The following PTPRR variants were observed in gnomAD, a reference collection of about 807,000 sequenced individuals.
The protein encoded by PTPRR is protein tyrosine phosphatase receptor type R.
A neutral mutation model predicts 77.2 loss-of-function variants in PTPRR; 38 were observed. That is an observed-to-expected ratio of 0.49 (90% CI 0.38 to 0.65). The LOEUF is 0.65. Among genes scored for constraint, PTPRR ranks in the 30% least tolerant of loss-of-function variants. The probability of loss-of-function intolerance (pLI) is 0.00; values close to 1 mark genes in which losing one functional copy is unlikely to be tolerated. For synonymous variants in PTPRR, 299 were observed against 283.1 expected (o/e 1.06, Z -0.57); for missense variants, 744 against 799.2 (o/e 0.93, Z 0.83).
intron 8 of PTPRR, among the ~76,000 whole-genome samples, chr12:70,695,942 T>C (rs1888216266): frequency 1.3e-5 from 2 of 152,178 alleles, no homozygotes; most frequent in African/African-American, 4.8e-5. Context: ...AAAGATAGTA[T>C]TAACAGTAAT....
rs368662426 is a variant in PTPRR at position 70,920,365 on chromosome 12, G to A, written c.26C>T (p.Ala9Val). Residue 9 changes from alanine (A) to valine (V), a missense_variant, in exon 1 of 14, where the codon GCG becomes GTG. Ala to Val is a moderately conservative substitution (Grantham distance 64). Transcript: ENST00000283228. MRRAVCFP[A>V]LCLLLNLHAA... ...GTGAAGATTAAGGAGCAGGCACAGC[G>A]CAGGGAAGCAGACTGCTCTCCGCAT... 14 of 1,613,770 alleles carry A rather than the reference G, an allele frequency of 8.7e-6. No homozygotes were observed. The highest frequency in any genetic ancestry group is 1.2e-5 in the Non-Finnish European group (14 of 1,179,914).
At chr12:70,707,898 A>C (rs1048211445) in intron 6 of PTPRR, among the ~76,000 whole-genome samples, 1 of 151,998 alleles carries the variant, frequency 6.6e-6, no homozygotes, top group Non-Finnish European at 1.5e-5. Flanking sequence ...AAAACCTGCA[A>C]GTAGCTACCC....
At chr12:70,720,658 A>G (rs1422485176) in intron 6 of PTPRR, among the ~76,000 whole-genome samples, 1 of 151,360 alleles carries the variant, frequency 6.6e-6, no homozygotes, top group Non-Finnish European at 1.5e-5. Context: ...TAATTTTTGT[A>G]TTTTTAGTAG....
intron 2 of PTPRR, among the ~76,000 whole-genome samples, chr12:70,821,928 T>C (rs576302539): frequency 6.6e-6 from 1 of 152,206 alleles, no homozygotes; most frequent in East Asian, 1.9e-4. Flanking sequence ...CCTCCCAAAG[T>C]GCTGGGATTA....
chr12:70,678,166 A>G (rs1386186397), intron 10 of PTPRR, among the ~76,000 whole-genome samples: 1 of 151,936 alleles, frequency 6.6e-6, no homozygotes, highest in Non-Finnish European at 1.5e-5. Flanking sequence ...TCAGCTTCCC[A>G]GGTAGCTGGG....
chr12:70,788,880 T>C, intron 2 of PTPRR: 8 of 1,512,146 alleles, frequency 5.3e-6, no homozygotes, highest in Non-Finnish European at 7.0e-6. Context: ...CTTTGTGTTA[T>C]TTCCTTACCA....
rs560446794 is a variant in PTPRR, at chr12:70,811,739, C to T, written c.358-46961G>A. 4.6e-5 allele frequency among the ~76,000 whole-genome samples: 7 copies of T among 152,286 alleles called. No individual in the cohort carries two copies. The South Asian group carries it at 1.5e-3, about 32-fold the overall frequency. Reference sequence around the variant, plus strand: ...ACCCTGATGCAGTAAGATCTATTGCCATGTCCACACTACCAATGAGGAAGC... The same window carrying T: ...ACCCTGATGCAGTAAGATCTATTGCTATGTCCACACTACCAATGAGGAAGC... On this transcript the variant is annotated intron_variant, in intron 2 of 13. Coordinates refer to ENST00000283228, the MANE Select transcript of PTPRR (RefSeq NM_002849.4).
chr12:70,822,568 G>A (rs995945669), intron 2 of PTPRR, among the ~76,000 whole-genome samples: 7 of 152,176 alleles, frequency 4.6e-5, no homozygotes, highest in Non-Finnish European at 8.8e-5. Context: ...AGAGGTGCCA[G>A]GATTCTGCAT....
chr12:70,866,080 C>T (rs1339533765), intron 2 of PTPRR, among the ~76,000 whole-genome samples: 2 of 151,964 alleles, frequency 1.3e-5, no homozygotes, highest in Admixed American at 1.3e-4. Flanking sequence ...CAAGAGAAAG[C>T]AGGAAAGATC....
At chr12:70,888,171 A>G (rs1249519777) in intron 2 of PTPRR, among the ~76,000 whole-genome samples, 2 of 152,156 alleles carry the variant, frequency 1.3e-5, no homozygotes, top group Non-Finnish European at 2.9e-5. Flanking sequence ...AAAATCAGAG[A>G]TAATAGTTTT....
chr12:70,874,584 G>A (rs1275537024), intron 2 of PTPRR, among the ~76,000 whole-genome samples: 1 of 152,184 alleles, frequency 6.6e-6, no homozygotes, highest in African/African-American at 2.4e-5. Flanking sequence ...AATGCAAATT[G>A]TCATTATCTT....
At chr12:70,909,085 G>A (rs1893664341) in intron 1 of PTPRR, among the ~76,000 whole-genome samples, 1 of 152,134 alleles carries the variant, frequency 6.6e-6, no homozygotes, top group Admixed American at 6.5e-5. Flanking sequence ...CTGGTGGAGG[G>A]AGGACCTGAG....
intron 2 of PTPRR, among the ~76,000 whole-genome samples, chr12:70,817,742 C>T (rs11178440): frequency 0.021 from 3,233 of 152,232 alleles, 60 homozygotes; most frequent in African/African-American, 0.055. Context: ...GAATACTTCA[C>T]GAGATATGTT....
At chr12:70,852,814 C>A (rs548341513) in intron 2 of PTPRR, among the ~76,000 whole-genome samples, 9 of 152,242 alleles carry the variant, frequency 5.9e-5, no homozygotes, top group African/African-American at 1.9e-4. Flanking sequence ...TTTTCTCCCC[C>A]CTTCTATTCT....
intron 2 of PTPRR, among the ~76,000 whole-genome samples, chr12:70,812,833 C>G (rs1365331318): frequency 6.6e-6 from 1 of 152,154 alleles, no homozygotes; most frequent in East Asian, 1.9e-4. Context: ...AAATCACAGA[C>G]AGATTAAAAA....
At chr12:70,754,425 C>T (rs956302981) in intron 4 of PTPRR, 124 bp from the exon 5 acceptor site, 1 of 1,564,452 alleles carries the variant, frequency 6.4e-7, no homozygotes, top group Non-Finnish European at 8.6e-7. Context: ...CCTACACCCC[C>T]CGCTGCCAGA....
chr12:70,914,872 A>G (rs1378047943), intron 1 of PTPRR, among the ~76,000 whole-genome samples: 1 of 152,188 alleles, frequency 6.6e-6, no homozygotes, highest in Non-Finnish European at 1.5e-5. Context: ...AAAGATTACT[A>G]TGGAATATAC....
chr12:70,730,587 C>T (rs1268608824), intron 6 of PTPRR, among the ~76,000 whole-genome samples: 1 of 151,860 alleles, frequency 6.6e-6, no homozygotes, highest in African/African-American at 2.4e-5. Context: ...AATTCTAGCA[C>T]TTTGGGAGGC....
intron 6 of PTPRR, among the ~76,000 whole-genome samples, chr12:70,705,643 G>A (rs1444078626): frequency 1.3e-5 from 2 of 152,030 alleles, no homozygotes; most frequent in Admixed American, 6.6e-5. Context: ...TACTTGAAAT[G>A]AGAACGGAAA....
Sources: allele counts gnomAD v4.1 joint callset (sites outside exome capture counted in the v4.1 genomes callset), GRCh38; gene constraint gnomAD v4.1.1; transcripts MANE v1.5; gene names NCBI Gene and HGNC (gene_info 2026-07-23, HGNC 2026-07-21).